The following TSHZ3 variants were observed in gnomAD, a reference collection of about 807,000 sequenced individuals.
TSHZ3 encodes teashirt homolog 3.
In TSHZ3, 10 loss-of-function variants were observed where a neutral mutation model predicts 64.5. That is an observed-to-expected ratio of 0.16 (90% confidence interval 0.10 to 0.26). The LOEUF (loss-of-function observed/expected upper bound fraction) is 0.26. TSHZ3 is among the 10% of genes least tolerant of loss of function. The pLI is 1.00. For missense variants in TSHZ3, 1,242 were observed against 1,421.7 expected (o/e 0.87, Z 2.03); for synonymous variants, 608 against 593.1 (o/e 1.03, Z -0.36).
Position 31,279,370 on chromosome 19 carries a change from G to A in TSHZ3, c.423C>T (p.Pro141=), listed in dbSNP as rs769360747. 5.6e-6 allele frequency: 9 copies of A among 1,614,078 alleles called. No individual in the cohort carries two copies. Among genetic ancestry groups the A allele is most frequent in the East Asian group, 2.2e-5 (1 of 44,896 alleles). ...WSNLNLNLHQ[P]SSEKNNGSSS... The stretch of plus-strand genomic sequence containing the variant: ...TGCTGCCGTTGTTCTTCTCCGAGGA[G>A]GGCTGGTGCAGGTTGAGGTTGAGGT... The change falls in exon 2 of 2, where the codon CCC becomes CCT. Residue 141 remains proline, a synonymous_variant. Coordinates refer to ENST00000240587, the MANE Select transcript of TSHZ3 (RefSeq NM_020856.4). The surrounding 1 kb of genome is among the most constrained non-coding windows in gnomAD (Gnocchi z 6.4).
chr19:31,285,548 C>T lies in TSHZ3; in HGVS notation c.41-5796G>A, dbSNP rs976913805. On this transcript the variant is annotated intron_variant, in intron 1 of 1. Coordinates refer to ENST00000240587, the MANE Select transcript of TSHZ3 (RefSeq NM_020856.4). ...CTGTAATCCTAGCACTTTGGGAGGCCGAGGCTGGGAGATTGCCTGAGCTCA... is the reference window on the plus strand; with the variant it reads ...CTGTAATCCTAGCACTTTGGGAGGCTGAGGCTGGGAGATTGCCTGAGCTCA... Among the ~76,000 whole-genome samples the T allele has an allele frequency of 2.0e-5, 3 of 150,360 alleles. No individual in the cohort carries two copies. The East Asian group carries it at 5.9e-4, about 29-fold the overall frequency.
chr19:31,198,200 C>A (rs1975020349), intron 5 of TSHZ3, among the ~76,000 whole-genome samples: 1 of 152,082 alleles, frequency 6.6e-6, no homozygotes, highest in Admixed American at 6.6e-5. Flanking sequence ...ATAAAACTCA[C>A]AAGACCATAT....
chr19:31,277,883 G>A lies in TSHZ3; in HGVS notation c.1910C>T (p.Pro637Leu), dbSNP rs1213747559. 9.3e-6 allele frequency: 15 copies of A among 1,611,086 alleles called. No homozygotes were observed. In the East Asian group the frequency reaches 1.3e-4, roughly 14 times the overall value. ...KMKEPDGKLS[P>L]PKRATPSPCS... Reference sequence around the variant, plus strand: ...TGGGGAGGGAGTGGCCCGCTTGGGCGGGGAAAGCTTCCCATCCGGCTCCTT... The same window carrying A: ...TGGGGAGGGAGTGGCCCGCTTGGGCAGGGAAAGCTTCCCATCCGGCTCCTT... The change falls in exon 2 of 2, where the codon CCG becomes CTG. Residue 637 changes from proline to leucine, a missense_variant. Pro to Leu is a moderately conservative substitution (Grantham distance 98, BLOSUM62 -3). This residue lies in a region of TSHZ3 where 550 missense variants were observed against 545.1 expected (regional missense o/e 1.01). Coordinates refer to ENST00000240587, the MANE Select transcript of TSHZ3 (RefSeq NM_020856.4). The surrounding 1 kb of genome is among the most constrained non-coding windows in gnomAD (Gnocchi z 4.5).
chr19:31,266,798 A>C (rs1976059053), intron 1 of TSHZ3, among the ~76,000 whole-genome samples: 1 of 152,234 alleles, frequency 6.6e-6, no homozygotes, highest in South Asian at 2.1e-4. Flanking sequence ...AGGATGTGAC[A>C]AGTGACACCA....
chr19:31,254,427 TG>T, intron 1 of TSHZ3, among the ~76,000 whole-genome samples: 1 of 152,320 alleles, frequency 6.6e-6, no homozygotes, highest in Non-Finnish European at 1.5e-5. Context: ...GAGCCCAGGC[TG>T]GGCTGTGGGC....
intron 1 of TSHZ3, among the ~76,000 whole-genome samples, chr19:31,299,097 AG>A (rs1976711845): frequency 6.6e-6 from 1 of 152,190 alleles, no homozygotes; most frequent in Admixed American, 6.5e-5. Flanking sequence ...GGGGAGGCTA[AG>A]GCAGGAGAAT....
intron 4 of TSHZ3, among the ~76,000 whole-genome samples, chr19:31,219,053 T>A (rs895373211): frequency 3.9e-5 from 6 of 152,196 alleles, no homozygotes; most frequent in Admixed American, 3.3e-4. Flanking sequence ...TAAGGCTGCA[T>A]CACAGAGTGA....
intron 6 of TSHZ3, among the ~76,000 whole-genome samples, chr19:31,154,848 T>TG (rs34172383): frequency 0.22 from 33,224 of 151,990 alleles, 4,355 homozygotes; most frequent in East Asian, 0.37. Context: ...CAGGGTTTTG[T>TG]GGGGGGACAC....
rs1360420289 is a variant in TSHZ3, at chr19:31,275,491, GTTTAT to G, written c.*1051_*1055del. 1 of 151,200 alleles carries G rather than the reference GTTTAT, an allele frequency of 6.6e-6. No individual in the cohort carries two copies. The highest frequency in any genetic ancestry group is 1.5e-5 in the Non-Finnish European group (1 of 67,788). The allele number at this position is 151,200 out of a possible 1,614,324, so 9.4% of individuals were successfully genotyped here. On this transcript the variant is annotated 3_prime_UTR_variant, in exon 2 of 2. Transcript: ENST00000240587. ...ATAGACTTAACCCTTTGAGCACTGA[GTTTAT>G]TTTGAGTGTTCTTTGATTTCTAATA... is the stretch of plus-strand genomic sequence containing the variant.
intron 5 of TSHZ3, among the ~76,000 whole-genome samples, chr19:31,190,337 T>C (rs942632197): frequency 1.1e-4 from 17 of 152,156 alleles, no homozygotes; most frequent in African/African-American, 4.1e-4. Flanking sequence ...GTGAACTGAA[T>C]GACAATTCCA....
chr19:31,204,021 G>A (rs1307926698), intron 5 of TSHZ3, among the ~76,000 whole-genome samples: 1 of 152,140 alleles, frequency 6.6e-6, no homozygotes, highest in Non-Finnish European at 1.5e-5. Flanking sequence ...TCACATGGCT[G>A]CAAGAGAGCG....
rs759742847 is a variant in TSHZ3 at position 31,277,059 on chromosome 19, C to A, written c.2734G>T (p.Ala912Ser). 4 of 1,608,406 alleles carry A rather than the reference C, an allele frequency of 2.5e-6. No homozygotes were observed. In the South Asian group the frequency reaches 3.3e-5, roughly 13 times the overall value. ...HLLILQAQFA[A>S]SLRQTSEGKY... ...CCTTCTGAGGTCTGCCGGAGGCTGG[C>A]GGCAAACTGGGCCTGGAGGATCAGG... Residue 912 changes from alanine to serine, a missense_variant, in exon 2 of 2, where the codon GCC (alanine) becomes TCC (serine). This residue lies in a region of TSHZ3 where 550 missense variants were observed against 545.1 expected (regional missense o/e 1.01). Coordinates refer to ENST00000240587, the MANE Select transcript of TSHZ3 (RefSeq NM_020856.4). This position sits in a 1 kb window ranked among gnomAD's most constrained non-coding sequence, Gnocchi z 4.5.
At chr19:31,235,818 C>G (rs963989053) in intron 3 of TSHZ3, among the ~76,000 whole-genome samples, 2 of 147,528 alleles carry the variant, frequency 1.4e-5, no homozygotes, top group Non-Finnish European at 3.0e-5. Flanking sequence ...TTGAACAATT[C>G]TCATGCATGC....
At chr19:31,170,742 T>A (rs1246335667) in intron 5 of TSHZ3, among the ~76,000 whole-genome samples, 1 of 152,252 alleles carries the variant, frequency 6.6e-6, no homozygotes, top group Non-Finnish European at 1.5e-5. Flanking sequence ...TTAATTGTAG[T>A]GCTTTAAAAC....
At chr19:31,273,165 G>A (rs990669778), downstream of TSHZ3, among the ~76,000 whole-genome samples, 7 of 152,138 alleles carry the variant, frequency 4.6e-5, no homozygotes, top group African/African-American at 7.2e-5. Context: ...GGGGGAGACC[G>A]TAACAAACCA....
At chr19:31,197,296 G>A (rs1314959475) in intron 5 of TSHZ3, among the ~76,000 whole-genome samples, 1 of 151,838 alleles carries the variant, frequency 6.6e-6, no homozygotes, top group Non-Finnish European at 1.5e-5. Flanking sequence ...TTTGTGAGAT[G>A]CAGCAAAAGC....
intron 3 of TSHZ3, among the ~76,000 whole-genome samples, chr19:31,239,162 T>G (rs571446636): frequency 6.6e-6 from 1 of 152,262 alleles, no homozygotes; most frequent in South Asian, 2.1e-4. Context: ...ACAATAAATA[T>G]TTTTCCCAGG....
At chr19:31,195,263 A>T (rs1603466) in intron 5 of TSHZ3, among the ~76,000 whole-genome samples, 103,846 of 151,740 alleles carry the variant, frequency 0.68, 35,659 homozygotes, top group Middle Eastern at 0.74. Context: ...CCAATCAGGA[A>T]AAATGTTAAA....
intron 1 of TSHZ3, among the ~76,000 whole-genome samples, chr19:31,259,332 A>AT (rs1403039226): frequency 2.0e-5 from 3 of 152,042 alleles, no homozygotes; most frequent in South Asian, 2.1e-4. Context: ...ATTTTTATAG[A>AT]TTTTTTTGGT....
Sources: gnomAD v4.1 joint callset for allele counts (sites outside exome capture counted in the v4.1 genomes callset) on GRCh38, gnomAD v4.1.1 for gene constraint, gnomAD v4.1.1 regional missense constraint, Gnocchi (gnomAD v3.1) non-coding constraint, MANE v1.5 for transcripts, NCBI Gene and HGNC (gene_info 2026-07-23, HGNC 2026-07-21) for gene names.